The following COG4 variants were observed in gnomAD, a reference collection of about 807,000 sequenced individuals.
COG4 encodes component of oligomeric golgi complex 4, also known as conserved oligomeric Golgi complex subunit 4.
In COG4, 65 loss-of-function variants were observed where a neutral mutation model predicts 95.1. That is an observed-to-expected ratio of 0.68 (90% CI 0.56 to 0.84). The LOEUF is 0.84. COG4 is among the 40% of genes least tolerant of loss of function. The pLI is 0.00. For synonymous variants in COG4, 421 were observed against 374.8 expected, an observed-to-expected ratio of 1.12 and a Z score of -1.42; for missense variants, 1,045 against 989.1, an observed-to-expected ratio of 1.06 and a Z score of -0.76.
intron 11 of COG4, 41 bp downstream of exon 11, chr16:70,497,180 G>C: frequency 6.3e-7 from 1 of 1,590,792 alleles, no homozygotes; most frequent in Non-Finnish European, 8.6e-7. Flanking sequence ...TCAACAGGAA[G>C]GGCCTTTCTG....
chr16:70,492,208 T>C lies in COG4; in HGVS notation c.1648-1816A>G, dbSNP rs186263569. Among the ~76,000 whole-genome samples, 528 of 152,264 alleles carry C rather than the reference T, an allele frequency of 3.5e-3. 7 individuals carry two copies. The highest frequency in any genetic ancestry group is 0.012 in the African/African-American group (493 of 41,564). ...GCTCCATACCCCTTCCCCCATAATT[T>C]GCCCTATTCATCTCTTCATCTGTAT... On this transcript the variant is annotated intron_variant, in intron 12 of 18. Transcript: ENST00000323786.
At chr16:70,482,687 A>C in intron 15 of COG4, 42 bp downstream of exon 15, 3 of 1,506,152 alleles carry the variant, frequency 2.0e-6, no homozygotes, top group Non-Finnish European at 2.8e-6. Flanking sequence ...GCTAGGGATG[A>C]GGGGTCATCG....
At position 70,512,331 on chromosome 16, in the gene COG4, G is replaced by C. The variant is rs3762171; in HGVS notation, c.646C>G (p.Leu216Val). The change falls in exon 5 of 19, where the codon CTG becomes GTG. Residue 216 changes from leucine (L) to valine (V), a missense_variant. Coordinates refer to ENST00000323786, the MANE Select transcript of COG4 (RefSeq NM_015386.3). ...TTGAAGAAGCGCTCCACCTGGGGCA[G>C]ATCACCTTCCTTGGTGGCAATGGCA... ...KFAIATKEGD[L>V]PQVERFFKIF... 1.2e-6 allele frequency: 2 copies of C among 1,613,784 alleles called. No individual in the cohort carries two copies. The highest frequency in any genetic ancestry group is 1.7e-6 in the Non-Finnish European group (2 of 1,179,946).
chr16:70,490,292 G>C (rs1394055737), intron 13 of COG4, 38 bp downstream of exon 13: 4 of 1,536,722 alleles, frequency 2.6e-6, no homozygotes, highest in Non-Finnish European at 3.6e-6. Flanking sequence ...CATGGGAAAA[G>C]ATGGCTGCTG....
chr16:70,480,819 G>C lies in COG4; in HGVS notation c.*191C>G. 1 of 644,478 alleles carries C rather than the reference G, an allele frequency of 1.6e-6. No individual in the cohort carries two copies. The allele number at this position is 644,478 out of a possible 1,614,324, so 39.9% of individuals were successfully genotyped here. On this transcript the variant is annotated 3_prime_UTR_variant, in exon 19 of 19. Transcript: ENST00000323786. ...TCTCGGTGGGGAGATGCTGCCCCCAGAGCATCACCTGGCCAGGTCTGAGGG... is the reference window on the plus strand; with the variant it reads ...TCTCGGTGGGGAGATGCTGCCCCCACAGCATCACCTGGCCAGGTCTGAGGG...
intron 2 of COG4, 53 bp downstream of exon 2, chr16:70,519,596 C>G (rs2049892442): frequency 3.7e-6 from 5 of 1,352,130 alleles, no homozygotes; most frequent in African/African-American, 2.9e-5. Flanking sequence ...GTCACTTGTC[C>G]AATTGACCCT....
At chr16:70,497,088 CT>C in intron 11 of COG4, 132 bp downstream of exon 11, 1 of 914,508 alleles carries the variant, frequency 1.1e-6, no homozygotes, top group Non-Finnish European at 1.7e-6. Context: ...AGGATACTAT[CT>C]TAGGGATAGG....
At chr16:70,481,563 G>A in intron 17 of COG4, 76 bp from the exon 18 acceptor site, 2 of 1,603,980 alleles carry the variant, frequency 1.2e-6, no homozygotes, top group Non-Finnish European at 1.7e-6. Flanking sequence ...CCCAGAGCTG[G>A]GTGGCAAGGC....
In COG4 at chr16:70,519,713, G is replaced by A. The variant is rs1401821091; in HGVS notation, c.190C>T (p.Leu64=). Residue 64 remains leucine, a synonymous_variant, in exon 2 of 19, where the codon CTG becomes TTG. Coordinates refer to ENST00000323786, the MANE Select transcript of COG4 (RefSeq NM_015386.3). Reference sequence around the variant, plus strand: ...TTTTGCTGTTCCAAAAGAGCATCCAGCTCTCTCTCCACCACTTTCTGAAAC... The same window carrying A: ...TTTTGCTGTTCCAAAAGAGCATCCAACTCTCTCTCCACCACTTTCTGAAAC... ...CGEEKVVERE[L]DALLEQQNTI... 1 of 1,613,352 alleles carries A rather than the reference G, an allele frequency of 6.2e-7. No homozygotes were observed. The highest frequency in any genetic ancestry group is 1.3e-5 in the African/African-American group (1 of 74,902).
intron 12 of COG4, among the ~76,000 whole-genome samples, chr16:70,490,902 G>T (rs2049230542): frequency 6.6e-6 from 1 of 151,782 alleles, no homozygotes; most frequent in Admixed American, 6.6e-5. Context: ...CTCATGATCT[G>T]CCCACCTCGG....
rs760158081 is a variant in COG4, at chr16:70,496,296, C to T, written c.1617G>A (p.Glu539=). The T allele has an allele frequency of 5.0e-6, 8 of 1,614,114 alleles. No homozygotes were observed. The South Asian group carries it at 5.5e-5, about 11-fold the overall frequency. Residue 539 remains glutamate, a synonymous_variant, in exon 12 of 19, where the codon GAG becomes GAA. Coordinates refer to ENST00000323786, the MANE Select transcript of COG4 (RefSeq NM_015386.3). ...AGGACATCTTCGCCTCGTCAGTACT[C>T]TCGATGCCTTTTGTGTCAAATTTGC... The part of the protein sequence containing the change: ...QQGKFDTKGI[E]STDEAKMSFL...
rs140338430 is a variant in COG4, at chr16:70,514,705, G to A, written c.370-196C>T. Reference sequence around the variant, plus strand: ...ACAGATATCATACAATGTTAATAACGTGATCAAATCATTCTCTCTTTTTTT... The same window carrying A: ...ACAGATATCATACAATGTTAATAACATGATCAAATCATTCTCTCTTTTTTT... On this transcript the variant is annotated intron_variant, in intron 3 of 18. Coordinates refer to ENST00000323786, the MANE Select transcript of COG4 (RefSeq NM_015386.3). Among the ~76,000 whole-genome samples, 54 of 152,114 alleles carry A rather than the reference G, an allele frequency of 3.5e-4. 1 individual carries two copies. The East Asian group carries it at 9.9e-3, about 28-fold the overall frequency.
At chr16:70,504,825 T>G (rs1427257891) in intron 8 of COG4, among the ~76,000 whole-genome samples, 3 of 150,760 alleles carry the variant, frequency 2.0e-5, no homozygotes, top group Non-Finnish European at 4.4e-5. Context: ...GCAGGAGAAT[T>G]GCTTGAACCC....
At position 70,480,744 on chromosome 16, in the gene COG4, G is replaced by A. The variant is rs1052443901; in HGVS notation, c.*266C>T. The A allele has an allele frequency of 1.6e-5, 8 of 513,270 alleles. No individual in the cohort carries two copies. The highest frequency in any genetic ancestry group is 1.5e-4 in the African/African-American group (8 of 51,892). 31.8% of individuals were successfully genotyped at this position (513,270 alleles called of 1,614,324 possible). ...ACCATCCATGCAGAAAGCTGGCCTGGGCTGCTCGCTGCCTGCCGTGGCTTT... is the reference window on the plus strand; with the variant it reads ...ACCATCCATGCAGAAAGCTGGCCTGAGCTGCTCGCTGCCTGCCGTGGCTTT... On this transcript the variant is annotated 3_prime_UTR_variant, in exon 19 of 19. Coordinates refer to ENST00000323786, the MANE Select transcript of COG4 (RefSeq NM_015386.3).
intron 13 of COG4, among the ~76,000 whole-genome samples, chr16:70,484,614 T>C (rs2049089711): frequency 6.6e-6 from 1 of 152,228 alleles, no homozygotes; most frequent in Non-Finnish European, 1.5e-5. Flanking sequence ...TTTATTAAAG[T>C]ACCAGGCTGG....
rs188102141 is a variant in COG4 at position 70,480,938 on chromosome 16, C to T, written c.*72G>A. The T allele has an allele frequency of 5.5e-4, 871 of 1,582,636 alleles. 1 individual carries two copies. Among genetic ancestry groups the T allele is most frequent in the Admixed American group, 1.2e-3 (71 of 59,928 alleles). The stretch of plus-strand genomic sequence containing the variant: ...CTCCCCCAAGCCAGACAGCCTCGCT[C>T]AGCTCCTTGGCTGGGGCCCCTTAGG... On this transcript the variant is annotated 3_prime_UTR_variant, in exon 19 of 19. Transcript: ENST00000323786.
chr16:70,507,563 A>C (rs145084921), intron 8 of COG4, among the ~76,000 whole-genome samples: 26 of 152,236 alleles, frequency 1.7e-4, no homozygotes, highest in African/African-American at 6.0e-4. Context: ...ATTTCTCAGA[A>C]TGTACTCCAG....
intron 15 of COG4, chr16:70,482,448 C>T (rs149150846): frequency 2.4e-4 from 145 of 607,428 alleles, no homozygotes; most frequent in African/African-American, 2.3e-3. Flanking sequence ...GAAATCACTA[C>T]GCCAGGAGGA....
In COG4 at chr16:70,482,205, T is replaced by G. The variant is rs749694230; in HGVS notation, c.1921-30A>C. ...TGTCAGGAAGCAGGGCTGGTCACCA[T>G]GGGCCTCATAAGAAGTACCATTCAT... On this transcript the variant is annotated intron_variant, in intron 15 of 18. Transcript: ENST00000323786. The G allele has an allele frequency of 4.2e-6, 6 of 1,439,258 alleles. No individual in the cohort carries two copies. In the East Asian group the frequency reaches 1.4e-4, roughly 33 times the overall value. 89.2% of individuals were successfully genotyped at this position (1,439,258 alleles called of 1,614,324 possible). A position where few individuals can be genotyped will look rare whatever the true frequency, so the allele number is the denominator to read the frequency against.
Sources: gnomAD v4.1 joint callset for allele counts (sites outside exome capture counted in the v4.1 genomes callset) on GRCh38, gnomAD v4.1.1 for gene constraint, MANE v1.5 for transcripts, NCBI Gene and HGNC (gene_info 2026-07-23, HGNC 2026-07-21) for gene names.